Variants in MOB3B observed in about 807,000 individuals in gnomAD.
MOB3B encodes the protein MOB kinase activator-like 2B.
Under a neutral mutation model 18.7 loss-of-function variants are expected in MOB3B, and 7 were observed. That is an observed-to-expected ratio of 0.37 (90% CI 0.21 to 0.70). The LOEUF is 0.70. Ranked by LOEUF, MOB3B falls within the 30% of genes least tolerant of loss-of-function variation. The probability of loss-of-function intolerance (pLI) is 0.52; values close to 1 mark genes in which losing one functional copy is unlikely to be tolerated. For missense variants in MOB3B, 253 were observed against 281.3 expected, an observed-to-expected ratio of 0.90 and a Z score of 0.72; for synonymous variants, 111 against 99.9, an observed-to-expected ratio of 1.11 and a Z score of -0.66.
At chr9:27,360,814 G>A (rs571865894) in intron 2 of MOB3B, among the ~76,000 whole-genome samples, 63 of 152,328 alleles carry the variant, frequency 4.1e-4, no homozygotes, top group African/African-American at 1.5e-3. Flanking sequence ...TTGAAACAAA[G>A]TGGCAACATA....
At chr9:27,528,337 A>G (rs1452472356) in intron 1 of MOB3B, among the ~76,000 whole-genome samples, 2 of 152,206 alleles carry the variant, frequency 1.3e-5, no homozygotes, top group Non-Finnish European at 2.9e-5. Context: ...AGAGATTGAA[A>G]TCCTCTGGAA....
Position 27,416,544 on chromosome 9 carries a change from A to ATTT in MOB3B, c.418+38586_418+38588dup, listed in dbSNP as rs559806304. 2.3e-3 allele frequency among the ~76,000 whole-genome samples: 275 copies of ATTT among 121,386 alleles called. 14 individuals carry two copies. The highest frequency in any genetic ancestry group is 9.0e-3 in the East Asian group (26 of 2,902). The allele number at this position is 121,386 out of a possible 152,430, so 79.6% of individuals were successfully genotyped here. On this transcript the variant is annotated intron_variant, in intron 2 of 3. Transcript: ENST00000262244. The stretch of plus-strand genomic sequence containing the variant: ...GAACCCCTGGAGTAATTTCTTTTTA[A>ATTT]TTTTTTTTTTTTTTTTTTTTTTTTT...
At chr9:27,433,865 G>A (rs78705362) in intron 2 of MOB3B, among the ~76,000 whole-genome samples, 5,128 of 152,196 alleles carry the variant, frequency 0.034, 115 homozygotes, top group Non-Finnish European at 0.049. Context: ...TTCTCCTTGC[G>A]AGTCAAAGAA....
At chr9:27,473,752 A>G (rs946616942) in intron 1 of MOB3B, among the ~76,000 whole-genome samples, 3 of 152,122 alleles carry the variant, frequency 2.0e-5, no homozygotes, top group Non-Finnish European at 4.4e-5. Flanking sequence ...AGAAGGGGAA[A>G]GAAGGCACCT....
chr9:27,356,603 T>A (rs923349302), intron 3 of MOB3B, among the ~76,000 whole-genome samples: 1 of 152,200 alleles, frequency 6.6e-6, no homozygotes, highest in Non-Finnish European at 1.5e-5. Flanking sequence ...AGCTCTGTCG[T>A]GGTGTTTCTG....
At chr9:27,521,972 G>A (rs1344223571) in intron 1 of MOB3B, among the ~76,000 whole-genome samples, 1 of 152,068 alleles carries the variant, frequency 6.6e-6, no homozygotes, top group East Asian at 1.9e-4. Context: ...GCCAGGTACA[G>A]TGGCTCACGC....
At position 27,455,370 on chromosome 9, in the gene MOB3B, C is replaced by A. The variant is rs1425310332; in HGVS notation, c.181G>T (p.Ala61Ser). 6.2e-7 allele frequency: 1 copy of A among 1,614,060 alleles called. No individual in the cohort carries two copies. Among genetic ancestry groups the A allele is most frequent in the Non-Finnish European group, 8.5e-7 (1 of 1,180,040 alleles). ...PSGEDQNDWVAVHVVDFFNRI... is the reference protein window; with the variant it reads ...PSGEDQNDWVSVHVVDFFNRI... ...TTGAAGAAGTCCACCACATGTACTG[C>A]CACCCAGTCATTCTGGTCCTCCCCA... Residue 61 changes from alanine to serine, a missense_variant, in exon 2 of 4, where the codon GCA becomes TCA. Coordinates refer to ENST00000262244, the MANE Select transcript of MOB3B (RefSeq NM_024761.5).
chr9:27,460,638 C>T (rs1287406398), intron 1 of MOB3B, among the ~76,000 whole-genome samples: 1 of 152,110 alleles, frequency 6.6e-6, no homozygotes, highest in Non-Finnish European at 1.5e-5. Context: ...AGGAGAGGGA[C>T]TGAAGCTGAT....
chr9:27,524,536 A>G (rs769539550), intron 1 of MOB3B: 2 of 1,614,162 alleles, frequency 1.2e-6, no homozygotes, highest in Non-Finnish European at 1.7e-6. Flanking sequence ...ATAGCTTTTG[A>G]GTTGCCCCAA....
At chr9:27,426,173 G>A (rs1366754578) in intron 2 of MOB3B, among the ~76,000 whole-genome samples, 1 of 152,144 alleles carries the variant, frequency 6.6e-6, no homozygotes, top group African/African-American at 2.4e-5. Context: ...GCCAGGAAGT[G>A]GCAAAACTGG....
chr9:27,462,768 C>CTG (rs1819313965), intron 1 of MOB3B, among the ~76,000 whole-genome samples: 1 of 152,206 alleles, frequency 6.6e-6, no homozygotes, highest in African/African-American at 2.4e-5. Context: ...ACTTGAGTCT[C>CTG]AAAGTCTGAA....
intron 2 of MOB3B, among the ~76,000 whole-genome samples, chr9:27,420,656 G>C (rs1211800338): frequency 6.9e-6 from 1 of 145,342 alleles, no homozygotes; most frequent in African/African-American, 2.6e-5. Flanking sequence ...ACCCGGATGA[G>C]ATTGGAGACT....
intron 3 of MOB3B, among the ~76,000 whole-genome samples, chr9:27,350,428 G>C (rs1490526644): frequency 6.6e-6 from 1 of 151,942 alleles, no homozygotes; most frequent in Non-Finnish European, 1.5e-5. Flanking sequence ...AACTATAATT[G>C]ATCATATTTT....
intron 3 of MOB3B, among the ~76,000 whole-genome samples, chr9:27,344,859 G>C (rs527349609): frequency 1.3e-5 from 2 of 152,244 alleles, no homozygotes; most frequent in Non-Finnish European, 2.9e-5. Context: ...CCCACAGTGC[G>C]GTTTCTGAAG....
intron 2 of MOB3B, among the ~76,000 whole-genome samples, chr9:27,393,661 T>C (rs1002436491): frequency 6.6e-6 from 1 of 152,190 alleles, no homozygotes; most frequent in Non-Finnish European, 1.5e-5. Context: ...AGTGCTTACA[T>C]GTCAAGCACT....
chr9:27,506,456 G>C (rs185927731), intron 1 of MOB3B, among the ~76,000 whole-genome samples: 45 of 152,052 alleles, frequency 3.0e-4, no homozygotes, highest in Non-Finnish European at 5.9e-4. Flanking sequence ...CATCACAATA[G>C]CCAATATTTA....
At chr9:27,524,149 G>GGAAA (rs1273115026) in intron 1 of MOB3B, among the ~76,000 whole-genome samples, 1 of 24,330 alleles carries the variant, frequency 4.1e-5, no homozygotes, top group African/African-American at 1.9e-4. Context: ...GTCACCCGAA[G>GGAAA]TAAAAAAAAA....
chr9:27,432,976 A>G (rs976873036), intron 2 of MOB3B, among the ~76,000 whole-genome samples: 1 of 152,232 alleles, frequency 6.6e-6, no homozygotes, highest in Non-Finnish European at 1.5e-5. Context: ...ATGTTAGAAA[A>G]TAGATTCAGG....
Position 27,330,200 on chromosome 9 carries a change from G to C in MOB3B, c.*387C>G, listed in dbSNP as rs899991780. The stretch of plus-strand genomic sequence containing the variant: ...CACAGAGAAGTCGGCCAGCTGACAA[G>C]ACAGATAAGTGGAAAAATACGAACA... On this transcript the variant is annotated 3_prime_UTR_variant, in exon 4 of 4. Coordinates refer to ENST00000262244, the MANE Select transcript of MOB3B (RefSeq NM_024761.5). 5.9e-6 allele frequency: 1 copy of C among 169,112 alleles called. No individual in the cohort carries two copies. The allele number at this position is 169,112 out of a possible 1,614,324, so 10.5% of individuals were successfully genotyped here.
Sources: allele counts gnomAD v4.1 joint callset (sites outside exome capture counted in the v4.1 genomes callset), GRCh38; gene constraint gnomAD v4.1.1; transcripts MANE v1.5; gene names NCBI Gene and HGNC (gene_info 2026-07-23, HGNC 2026-07-21).